Variants in MTUS2 observed in about 807,000 individuals in gnomAD.
The protein encoded by MTUS2 is microtubule-associated tumor suppressor candidate 2.
A neutral mutation model predicts 114.1 loss-of-function variants in MTUS2; 40 were observed. The observed-to-expected ratio is 0.35, with a 90% CI of 0.27 to 0.46. MTUS2 has a LOEUF of 0.46. Among genes scored for constraint, MTUS2 ranks in the 20% least tolerant of loss-of-function variants. MTUS2 has a pLI of 1.00. For missense variants in MTUS2, 1,679 were observed against 1,705.4 expected (o/e 0.98, Z 0.27); for synonymous variants, 688 against 672.0 (o/e 1.02, Z -0.37).
intron 9 of MTUS2, among the ~76,000 whole-genome samples, chr13:29,447,624 T>C (rs1878380699): frequency 6.6e-6 from 1 of 151,470 alleles, no homozygotes; most frequent in Non-Finnish European, 1.5e-5. Flanking sequence ...TTTTTTTTTT[T>C]TTTTAATGCT....
Position 29,139,866 on chromosome 13 carries a change from G to A in MTUS2, c.2644+38896G>A, listed in dbSNP as rs565820874. ...GAGACAGCAGGCACATGGGCAAAGA[G>A]GAATAACTATCCTCCCCTTCCTCTG... On this transcript the variant is annotated intron_variant, in intron 5 of 15. Coordinates refer to ENST00000612955, the MANE Select transcript of MTUS2 (RefSeq NM_001033602.4). Among the ~76,000 whole-genome samples the A allele has an allele frequency of 2.6e-5, 4 of 152,302 alleles. No homozygotes were observed. In the East Asian group the frequency reaches 7.7e-4, roughly 29 times the overall value.
intron 2 of MTUS2, among the ~76,000 whole-genome samples, chr13:29,016,094 G>C (rs572686033): frequency 2.6e-5 from 4 of 151,922 alleles, no homozygotes; most frequent in African/African-American, 9.7e-5. Flanking sequence ...TAGTAGAGAC[G>C]GGGTTTCACC....
chr13:29,063,716 G>T (rs1046135875), intron 4 of MTUS2, among the ~76,000 whole-genome samples: 27 of 152,152 alleles, frequency 1.8e-4, no homozygotes, highest in Admixed American at 1.2e-3. Context: ...GCACAGTCTG[G>T]GCAGCCATGA....
At chr13:29,156,170 G>T (rs1222214870) in intron 5 of MTUS2, among the ~76,000 whole-genome samples, 2 of 151,984 alleles carry the variant, frequency 1.3e-5, no homozygotes, top group Admixed American at 6.6e-5. Flanking sequence ...AAATAATTGT[G>T]CAGTGAACAA....
chr13:29,116,648 C>CTT (rs1381461595), intron 5 of MTUS2, among the ~76,000 whole-genome samples: 5 of 152,094 alleles, frequency 3.3e-5, no homozygotes, highest in Non-Finnish European at 1.5e-5. Context: ...TCTTCTTGCA[C>CTT]TTTGGGGCCA....
intron 4 of MTUS2, among the ~76,000 whole-genome samples, chr13:29,087,742 G>A (rs767977139): frequency 2.0e-5 from 3 of 152,092 alleles, no homozygotes; most frequent in African/African-American, 2.4e-5. Context: ...AGTTCCTCTG[G>A]GTATAATGTT....
At chr13:29,065,485 T>C (rs1358707853) in intron 4 of MTUS2, among the ~76,000 whole-genome samples, 1 of 152,194 alleles carries the variant, frequency 6.6e-6, no homozygotes, top group African/African-American at 2.4e-5. Flanking sequence ...TTGTTTGTTG[T>C]TTTCTTATCA....
At chr13:29,176,840 G>A (rs747516767) in intron 5 of MTUS2, among the ~76,000 whole-genome samples, 10 of 151,278 alleles carry the variant, frequency 6.6e-5, no homozygotes, top group Admixed American at 1.3e-4. Context: ...CTCTGCCATC[G>A]TTGGCACAGC....
chr13:29,078,986 A>T (rs1889319619), intron 4 of MTUS2, among the ~76,000 whole-genome samples: 1 of 152,228 alleles, frequency 6.6e-6, no homozygotes, highest in East Asian at 1.9e-4. Context: ...ATCTTCCAAG[A>T]AACTGCCAGG....
chr13:28,909,400 C>G (rs1398400427), intron 2 of MTUS2, among the ~76,000 whole-genome samples: 32 of 152,090 alleles, frequency 2.1e-4, no homozygotes, highest in Non-Finnish European at 1.5e-5. Flanking sequence ...TGAAGAGGTC[C>G]TTCACGTCCC....
At chr13:29,316,172 C>T (rs1428289680) in intron 6 of MTUS2, among the ~76,000 whole-genome samples, 2 of 152,164 alleles carry the variant, frequency 1.3e-5, no homozygotes, top group East Asian at 3.9e-4. Context: ...GTACTTTACA[C>T]ACGTGTGGGG....
intron 5 of MTUS2, among the ~76,000 whole-genome samples, chr13:29,152,727 G>T (rs1892710023): frequency 6.6e-6 from 1 of 151,986 alleles, no homozygotes. Context: ...GAGAGAGAGG[G>T]CCCCAAAGAT....
chr13:29,086,029 G>A (rs1889677288), intron 4 of MTUS2, among the ~76,000 whole-genome samples: 1 of 152,164 alleles, frequency 6.6e-6, no homozygotes, highest in African/African-American at 2.4e-5. Flanking sequence ...TTTCTCTGAT[G>A]ATTAGTGATG....
chr13:29,151,962 A>G (rs763252951), intron 5 of MTUS2, among the ~76,000 whole-genome samples: 3 of 152,030 alleles, frequency 2.0e-5, no homozygotes, highest in Non-Finnish European at 2.9e-5. Flanking sequence ...TTTTGCATCT[A>G]TGTTCATTGG....
intron 12 of MTUS2, among the ~76,000 whole-genome samples, chr13:29,494,536 C>G (rs1882398330): frequency 6.6e-6 from 1 of 150,604 alleles, no homozygotes; most frequent in East Asian, 2.0e-4. Flanking sequence ...TCTGGCAGCA[C>G]TGAGGAGGTT....
At chr13:29,469,748 A>G (rs1392270669) in intron 9 of MTUS2, among the ~76,000 whole-genome samples, 1 of 152,036 alleles carries the variant, frequency 6.6e-6, no homozygotes, top group African/African-American at 2.4e-5. Flanking sequence ...TACAGGCTGC[A>G]GTGAGTCATG....
chr13:29,431,948 A>G (rs1259479251), intron 8 of MTUS2, among the ~76,000 whole-genome samples: 1 of 151,380 alleles, frequency 6.6e-6, no homozygotes, highest in Non-Finnish European at 1.5e-5. Context: ...AGACTCAAAC[A>G]ATCTTCCCAC....
chr13:29,417,778 T>C, intron 8 of MTUS2, among the ~76,000 whole-genome samples: 1 of 152,266 alleles, frequency 6.6e-6, no homozygotes, highest in Admixed American at 6.5e-5. Flanking sequence ...TTGAATGTTC[T>C]TGCTTCATGG....
At chr13:29,286,747 G>T (rs1003751657) in intron 6 of MTUS2, among the ~76,000 whole-genome samples, 1 of 150,126 alleles carries the variant, frequency 6.7e-6, no homozygotes, top group African/African-American at 2.5e-5. Context: ...CTGGAGTGCA[G>T]TGGCACGACC....
Sources: allele counts gnomAD v4.1 joint callset (sites outside exome capture counted in the v4.1 genomes callset), GRCh38; gene constraint gnomAD v4.1.1; transcripts MANE v1.5; gene names NCBI Gene and HGNC (gene_info 2026-07-23, HGNC 2026-07-21).